SYCP2L: variants seen among roughly 807,000 people sequenced by gnomAD.
The protein encoded by SYCP2L is synaptonemal complex protein 2 like, also known as synaptonemal complex protein 2-like.
SYCP2L carries 98 observed loss-of-function variants against 125.8 expected under a neutral mutation model. The ratio of observed to expected loss-of-function variants is 0.78; its 90% confidence interval spans 0.66 to 0.92. The LOEUF (loss-of-function observed/expected upper bound fraction) is 0.92. Ranked by LOEUF, SYCP2L falls within the 40% of genes least tolerant of loss-of-function variation. The pLI is 0.00. For synonymous variants in SYCP2L, 317 were observed against 325.4 expected (o/e 0.97, Z 0.28); for missense variants, 842 against 936.4 (o/e 0.90, Z 1.32).
At chr6:10,931,532 A>G (rs1221654517) in intron 20 of SYCP2L, 43 bp downstream of exon 20, 19 of 1,568,032 alleles carry the variant, frequency 1.2e-5, no homozygotes, top group Non-Finnish European at 1.6e-5. Context: ...CTGTGAGTTA[A>G]ACTGCATTTA....
intron 6 of SYCP2L, 75 bp downstream of exon 6, chr6:10,898,923 A>T (rs535892920): frequency 1.0e-6 from 1 of 959,486 alleles, no homozygotes. Flanking sequence ...GAAAAGAAAA[A>T]TGATATGTAA....
chr6:10,970,968 A>G (rs1225429736), intron 29 of SYCP2L, among the ~76,000 whole-genome samples: 1 of 152,100 alleles, frequency 6.6e-6, no homozygotes, highest in Non-Finnish European at 1.5e-5. Context: ...CCTTTTGGCT[A>G]AGATCAAGTG....
At chr6:10,924,282 C>T (rs765136003) in intron 14 of SYCP2L, among the ~76,000 whole-genome samples, 3 of 152,186 alleles carry the variant, frequency 2.0e-5, no homozygotes, top group Non-Finnish European at 4.4e-5. Context: ...TTTGCAAGAT[C>T]AACCACTTAA....
intron 1 of SYCP2L, among the ~76,000 whole-genome samples, chr6:10,887,926 T>C (rs1205792813): frequency 1.3e-5 from 2 of 152,266 alleles, no homozygotes; most frequent in East Asian, 3.9e-4. Context: ...AAGCATAACC[T>C]CCTCACCCTC....
intron 6 of SYCP2L, among the ~76,000 whole-genome samples, chr6:10,902,310 C>A (rs2113300805): frequency 6.6e-6 from 1 of 152,292 alleles, no homozygotes; most frequent in South Asian, 2.1e-4. Flanking sequence ...TGCATTTTGA[C>A]AGCAGTTCTC....
chr6:10,955,137 CT>C lies in SYCP2L; in HGVS notation c.1977del (p.Lys660SerfsTer19), dbSNP rs776596573. 1 of 1,613,044 alleles carries C rather than the reference CT, an allele frequency of 6.2e-7. No homozygotes were observed. Among genetic ancestry groups the C allele is most frequent in the Non-Finnish European group, 8.5e-7 (1 of 1,179,056 alleles). On this transcript the variant is annotated frameshift_variant, in exon 24 of 30. Transcript: ENST00000283141. LOFTEE classifies it high-confidence loss of function. ...EDKDIPEGSF[A>X]KSQQSRLEEE... ...GTAGACATACCAGAAGGTAGTTTTG[CT>C]AAGTCACAACAATCAAGATTGGAAG... is the stretch of plus-strand genomic sequence containing the variant.
chr6:10,917,453 G>A (rs1780712484), intron 14 of SYCP2L, among the ~76,000 whole-genome samples: 2 of 152,078 alleles, frequency 1.3e-5, no homozygotes, highest in South Asian at 4.1e-4. Flanking sequence ...TGTCTGATAT[G>A]AGAATAACTA....
chr6:10,910,310 C>T (rs1780584658), intron 11 of SYCP2L, 110 bp downstream of exon 11: 1 of 989,702 alleles, frequency 1.0e-6, no homozygotes, highest in African/African-American at 1.6e-5. Context: ...TTGGGTACAT[C>T]ATTTACAGAG....
At chr6:10,961,250 T>A (rs1781587573) in intron 26 of SYCP2L, 55 bp from the exon 27 acceptor site, 2 of 1,386,322 alleles carry the variant, frequency 1.4e-6, no homozygotes, top group East Asian at 2.3e-5. Flanking sequence ...ATTAAGAAAG[T>A]CTGCTGTCAC....
At chr6:10,931,108 C>G (rs2113357263) in intron 19 of SYCP2L, among the ~76,000 whole-genome samples, 1 of 152,336 alleles carries the variant, frequency 6.6e-6, no homozygotes, top group African/African-American at 2.4e-5. Flanking sequence ...GAGGTCAAGG[C>G]TGCAGCGAGC....
At chr6:10,903,044 T>G in intron 8 of SYCP2L, 81 bp downstream of exon 8, 1 of 1,108,114 alleles carries the variant, frequency 9.0e-7, no homozygotes, top group Non-Finnish European at 1.4e-6. Flanking sequence ...GTGTTCTACT[T>G]AGACCTGATT....
At chr6:10,955,837 G>A (rs1279757283) in intron 24 of SYCP2L, among the ~76,000 whole-genome samples, 2 of 152,130 alleles carry the variant, frequency 1.3e-5, no homozygotes, top group Non-Finnish European at 2.9e-5. Context: ...CTGAAGACTG[G>A]CACCCAGAAG....
chr6:10,934,433 C>A (rs9467991), intron 20 of SYCP2L, among the ~76,000 whole-genome samples: 38,809 of 152,172 alleles, frequency 0.26, 5,413 homozygotes, highest in African/African-American at 0.34. Context: ...AATCCCAGCG[C>A]TTTGGGAGGC....
intron 23 of SYCP2L, among the ~76,000 whole-genome samples, chr6:10,953,044 C>CT (rs1463356481): frequency 1.3e-5 from 2 of 152,082 alleles, no homozygotes; most frequent in African/African-American, 4.8e-5. Context: ...AATGTGATCT[C>CT]TAATGAATTT....
chr6:10,894,746 A>C (rs1334376942), intron 4 of SYCP2L, among the ~76,000 whole-genome samples: 1 of 152,222 alleles, frequency 6.6e-6, no homozygotes, highest in African/African-American at 2.4e-5. Flanking sequence ...GTGCCTTTAT[A>C]ACGGCATCTG....
chr6:10,910,438 G>C (rs9467923), intron 11 of SYCP2L, among the ~76,000 whole-genome samples: 49,042 of 151,790 alleles, frequency 0.32, 8,641 homozygotes, highest in East Asian at 0.53. Flanking sequence ...GTGACTTGGG[G>C]TATTTTAAAA....
At chr6:10,891,232 T>C (rs1780166088) in intron 1 of SYCP2L, among the ~76,000 whole-genome samples, 1 of 152,206 alleles carries the variant, frequency 6.6e-6, no homozygotes, top group South Asian at 2.1e-4. Context: ...AGTTTGTTTA[T>C]TTTGTGTGAT....
At position 10,907,573 on chromosome 6, in the gene SYCP2L, G is replaced by T. The variant is rs763660105; in HGVS notation, c.708G>T (p.Ala236=). 1.2e-6 allele frequency: 2 copies of T among 1,612,836 alleles called. No homozygotes were observed. The highest frequency in any genetic ancestry group is 1.3e-5 in the African/African-American group (1 of 74,968). ...DYDQQVAISE[A]LCRLTIKKSR... is the part of the protein sequence containing the mutation. ...ACCAGCAGGTTGCTATTTCTGAAGC[G>T]CTGTGTAGACTGACGATTAAAAAAT... The change falls in exon 10 of 30, where the codon GCG becomes GCT. Residue 236 remains alanine, a synonymous_variant. Coordinates refer to ENST00000283141, the MANE Select transcript of SYCP2L (RefSeq NM_001040274.3).
At chr6:10,903,096 T>A in intron 8 of SYCP2L, 133 bp downstream of exon 8, 1 of 725,050 alleles carries the variant, frequency 1.4e-6, no homozygotes, top group Non-Finnish European at 2.3e-6. Context: ...GCACCTATTA[T>A]GTGTCAGGCA....
Sources: allele counts gnomAD v4.1 joint callset (sites outside exome capture counted in the v4.1 genomes callset), GRCh38; gene constraint gnomAD v4.1.1; transcripts MANE v1.5; gene names NCBI Gene and HGNC (gene_info 2026-07-23, HGNC 2026-07-21).